The following THSD7B variants were observed in gnomAD, a reference collection of about 807,000 sequenced individuals.
The protein encoded by THSD7B is thrombospondin type 1 domain containing 7B.
A neutral mutation model predicts 213.6 loss-of-function variants in THSD7B; 138 were observed. The observed-to-expected ratio is 0.65, with a 90% CI of 0.56 to 0.74. The LOEUF (loss-of-function observed/expected upper bound fraction) is 0.74. THSD7B is among the 30% of genes least tolerant of loss of function. THSD7B has a pLI of 0.00. For synonymous variants in THSD7B, 742 were observed against 687.0 expected (o/e 1.08, Z -1.25); for missense variants, 1,931 against 1,991.5 (o/e 0.97, Z 0.58).
chr2:136,897,407 A>C (rs1017699322), intron 2 of THSD7B, among the ~76,000 whole-genome samples: 12 of 151,902 alleles, frequency 7.9e-5, no homozygotes, highest in African/African-American at 2.4e-4. Flanking sequence ...CTTCACAGTG[A>C]GTGTTACAGC....
At chr2:137,637,282 G>A (rs1181831896) in intron 20 of THSD7B, among the ~76,000 whole-genome samples, 2 of 152,062 alleles carry the variant, frequency 1.3e-5, no homozygotes, top group East Asian at 3.9e-4. Context: ...CATGTTATTA[G>A]ATTTTTTTTA....
intron 1 of THSD7B, among the ~76,000 whole-genome samples, chr2:136,850,949 G>A (rs1683088998): frequency 6.6e-6 from 1 of 151,942 alleles, no homozygotes; most frequent in Admixed American, 6.6e-5. Flanking sequence ...TAAAATGAGA[G>A]ATTTAAATTT....
chr2:136,817,634 G>A (rs1303528364), intron 1 of THSD7B, among the ~76,000 whole-genome samples: 4 of 151,438 alleles, frequency 2.6e-5, no homozygotes, highest in Admixed American at 6.6e-5. Context: ...TTTCCCCATT[G>A]CTTGTTTTTC....
chr2:137,030,515 C>T (rs117225589), intron 2 of THSD7B, among the ~76,000 whole-genome samples: 1 of 152,206 alleles, frequency 6.6e-6, no homozygotes, highest in East Asian at 1.9e-4. Flanking sequence ...TACCAGCTGC[C>T]CACAAGGAGA....
intron 12 of THSD7B, among the ~76,000 whole-genome samples, chr2:137,307,637 C>A (rs1336355741): frequency 6.6e-6 from 1 of 152,096 alleles, no homozygotes; most frequent in Non-Finnish European, 1.5e-5. Context: ...TTCAGGCTTC[C>A]ATTCCTGAGA....
chr2:137,647,954 A>G (rs754810213), intron 21 of THSD7B, among the ~76,000 whole-genome samples: 16 of 152,210 alleles, frequency 1.1e-4, no homozygotes, highest in Non-Finnish European at 2.4e-4. Context: ...TCTGTTTTCT[A>G]GAATATCTAC....
intron 3 of THSD7B, among the ~76,000 whole-genome samples, chr2:137,058,872 A>G (rs1687217880): frequency 6.6e-6 from 1 of 152,142 alleles, no homozygotes; most frequent in Admixed American, 6.5e-5. Flanking sequence ...CCAGAATGTG[A>G]CTATGCTGGT....
At chr2:137,661,564 C>T (rs1054690747) in intron 25 of THSD7B, among the ~76,000 whole-genome samples, 39 of 152,004 alleles carry the variant, frequency 2.6e-4, no homozygotes, top group African/African-American at 8.0e-4. Flanking sequence ...TTGCCTCCTC[C>T]GAGGAAATAA....
chr2:136,928,811 G>C (rs1421314314), intron 2 of THSD7B, among the ~76,000 whole-genome samples: 1 of 152,070 alleles, frequency 6.6e-6, no homozygotes, highest in African/African-American at 2.4e-5. Flanking sequence ...TGCAGAGTGG[G>C]TTGATAGAAG....
intron 6 of THSD7B, among the ~76,000 whole-genome samples, chr2:137,168,206 G>T (rs1680173876): frequency 6.6e-6 from 1 of 152,148 alleles, no homozygotes; most frequent in South Asian, 2.1e-4. Context: ...CACATTTCTG[G>T]TTCCTCCTGT....
intron 15 of THSD7B, among the ~76,000 whole-genome samples, chr2:137,486,777 A>T (rs1376444929): frequency 6.6e-6 from 1 of 152,204 alleles, no homozygotes; most frequent in Non-Finnish European, 1.5e-5. Context: ...AAAGAACAGA[A>T]ATTCTAACAA....
At chr2:137,206,962 A>G (rs879168255) in intron 7 of THSD7B, among the ~76,000 whole-genome samples, 1 of 152,096 alleles carries the variant, frequency 6.6e-6, no homozygotes, top group African/African-American at 2.4e-5. Context: ...TTTCGAAGAA[A>G]GGGTGTAATT....
At chr2:137,328,530 A>G (rs1684422905) in intron 12 of THSD7B, among the ~76,000 whole-genome samples, 1 of 152,232 alleles carries the variant, frequency 6.6e-6, no homozygotes, top group South Asian at 2.1e-4. Context: ...CAGAATGTAT[A>G]ATAGTAGCAG....
intron 24 of THSD7B, among the ~76,000 whole-genome samples, chr2:137,658,127 G>A (rs1683274513): frequency 6.6e-6 from 1 of 152,224 alleles, no homozygotes; most frequent in African/African-American, 2.4e-5. Flanking sequence ...AGGAATAGAA[G>A]TATTGTCAGC....
At chr2:136,784,031 G>T (rs1415056835) in intron 1 of THSD7B, among the ~76,000 whole-genome samples, 1 of 152,210 alleles carries the variant, frequency 6.6e-6, no homozygotes, top group Non-Finnish European at 1.5e-5. Flanking sequence ...CCGAGGGTGT[G>T]TTCTAAGAAT....
At chr2:136,900,560 A>G (rs79343652) in intron 2 of THSD7B, among the ~76,000 whole-genome samples, 1 of 152,134 alleles carries the variant, frequency 6.6e-6, no homozygotes, top group Non-Finnish European at 1.5e-5. Flanking sequence ...GCCTTTTATC[A>G]CATTTTATAA....
In THSD7B at chr2:137,450,933, T is replaced by G; in HGVS notation, c.3048T>G (p.Cys1016Trp). ...GTTGGGGGTCTTGCAGTTCATCTTG[T>G]GGAATTGGAGTGAGAATTCGATCCA... ...WSSWGSCSSSCGIGVRIRSKW... is the reference protein window; with the variant it reads ...WSSWGSCSSSWGIGVRIRSKW... Residue 1016 changes from cysteine (C) to tryptophan (W), a missense_variant, in exon 15 of 28, where the codon TGT (cysteine) becomes TGG (tryptophan). Physicochemically the swap from Cys to Trp is radical, Grantham distance 215 (BLOSUM62 -2). Coordinates refer to ENST00000409968, the MANE Select transcript of THSD7B (RefSeq NM_001316349.2). 6.2e-7 allele frequency: 1 copy of G among 1,613,670 alleles called. No individual in the cohort carries two copies. The highest frequency in any genetic ancestry group is 8.5e-7 in the Non-Finnish European group (1 of 1,179,716).
intron 12 of THSD7B, among the ~76,000 whole-genome samples, chr2:137,385,324 T>G (rs1685870585): frequency 6.6e-6 from 1 of 151,972 alleles, no homozygotes; most frequent in Non-Finnish European, 1.5e-5. Context: ...TGCAGTGGAG[T>G]GTAGTTCTGC....
intron 17 of THSD7B, among the ~76,000 whole-genome samples, chr2:137,588,799 T>G (rs1359985705): frequency 6.6e-6 from 1 of 150,870 alleles, no homozygotes; most frequent in African/African-American, 2.4e-5. Context: ...TTTATTTATT[T>G]TTCGAGATGG....
Sources: gnomAD v4.1 joint callset for allele counts (sites outside exome capture counted in the v4.1 genomes callset) on GRCh38, gnomAD v4.1.1 for gene constraint, MANE v1.5 for transcripts, NCBI Gene and HGNC (gene_info 2026-07-23, HGNC 2026-07-21) for gene names.